KLHL1: variants seen among roughly 807,000 people sequenced by gnomAD.
KLHL1 encodes the protein kelch like family member 1, also known as kelch-like protein 1.
In KLHL1, 47 loss-of-function variants were observed where a neutral mutation model predicts 77.7. The ratio of observed to expected loss-of-function variants is 0.60; its 90% CI spans 0.48 to 0.77. The LOEUF (loss-of-function observed/expected upper bound fraction) is 0.77, where lower values mean the gene tolerates loss of function less well. Among genes scored for constraint, KLHL1 ranks in the 30% least tolerant of loss-of-function variants. The probability of loss-of-function intolerance (pLI) is 0.00; values close to 1 mark genes in which losing one functional copy is unlikely to be tolerated. For missense variants in KLHL1, 925 were observed against 910.8 expected (o/e 1.02, Z -0.20); for synonymous variants, 360 against 325.2 (o/e 1.11, Z -1.15).
intron 7 of KLHL1, among the ~76,000 whole-genome samples, chr13:69,765,131 G>T (rs765513224): frequency 1.3e-5 from 2 of 150,530 alleles, no homozygotes; most frequent in Non-Finnish European, 3.0e-5. Context: ...ATTATTTTTC[G>T]AGTAGAGATG....
intron 5 of KLHL1, among the ~76,000 whole-genome samples, chr13:69,853,453 C>T (rs1879773147): frequency 1.3e-5 from 2 of 151,970 alleles, no homozygotes; most frequent in African/African-American, 4.8e-5. Context: ...GTCGATTAAG[C>T]CTCTTTCCTT....
At chr13:70,087,489 C>T (rs946553562) in intron 1 of KLHL1, among the ~76,000 whole-genome samples, 1 of 151,290 alleles carries the variant, frequency 6.6e-6, no homozygotes, top group East Asian at 2.0e-4. Flanking sequence ...CAAGGAGATT[C>T]TCCAACTTTC....
intron 7 of KLHL1, among the ~76,000 whole-genome samples, chr13:69,766,492 A>G (rs960577330): frequency 1.3e-5 from 2 of 150,440 alleles, no homozygotes; most frequent in Admixed American, 6.6e-5. Context: ...ACATATATAT[A>G]TATATTTAGA....
chr13:70,073,856 G>A (rs554147162), intron 1 of KLHL1, among the ~76,000 whole-genome samples: 19 of 150,766 alleles, frequency 1.3e-4, no homozygotes, highest in Non-Finnish European at 1.9e-4. Context: ...ATGGAGTCTC[G>A]CTCTTGTTGC....
chr13:69,982,813 G>C (rs1282695975), intron 1 of KLHL1, among the ~76,000 whole-genome samples: 1 of 151,960 alleles, frequency 6.6e-6, no homozygotes, highest in African/African-American at 2.4e-5. Context: ...TGATGATAAA[G>C]GGGTCAATTC....
At chr13:70,102,180 C>T (rs1253474345) in intron 1 of KLHL1, among the ~76,000 whole-genome samples, 6 of 152,060 alleles carry the variant, frequency 3.9e-5, no homozygotes, top group Admixed American at 6.6e-5. Context: ...GGTACATGTC[C>T]CACTAATCTC....
chr13:69,891,983 T>C (rs1037500962), intron 4 of KLHL1, among the ~76,000 whole-genome samples: 8 of 152,098 alleles, frequency 5.3e-5, no homozygotes, highest in African/African-American at 1.9e-4. Flanking sequence ...ATTTCTCAAA[T>C]ATGTTAATTA....
chr13:70,104,659 A>AGAAT (rs1166248291), intron 1 of KLHL1, among the ~76,000 whole-genome samples: 2 of 152,162 alleles, frequency 1.3e-5, no homozygotes, highest in Non-Finnish European at 2.9e-5. Flanking sequence ...TACAATGCTC[A>AGAAT]TTATTAAATA....
At chr13:70,037,105 T>C (rs1383518122) in intron 1 of KLHL1, among the ~76,000 whole-genome samples, 1 of 152,058 alleles carries the variant, frequency 6.6e-6, no homozygotes, top group Non-Finnish European at 1.5e-5. Flanking sequence ...TTGATTGTTG[T>C]AATGCCAATT....
At chr13:69,787,539 C>G (rs1876621174) in intron 7 of KLHL1, among the ~76,000 whole-genome samples, 1 of 152,262 alleles carries the variant, frequency 6.6e-6, no homozygotes, top group East Asian at 1.9e-4. Context: ...ACATGTTAGA[C>G]CTAAAACCAT....
chr13:69,979,436 CTT>C lies in KLHL1; in HGVS notation c.498-3636_498-3635del, dbSNP rs35688050. On this transcript the variant is annotated intron_variant, in intron 1 of 10. Coordinates refer to ENST00000377844, the MANE Select transcript of KLHL1 (RefSeq NM_020866.3). ...TAATATGAATTTTCACAACAGAACA[CTT>C]ATAATTTTTAAGATAATATTTATTA... Among the ~76,000 whole-genome samples the C allele has an allele frequency of 6.9e-3, 1,049 of 152,100 alleles. 5 individuals are homozygous for C. The highest frequency in any genetic ancestry group is 0.013 in the Non-Finnish European group (871 of 67,982).
chr13:69,953,888 T>C (rs1204626636), intron 3 of KLHL1, among the ~76,000 whole-genome samples: 1 of 151,298 alleles, frequency 6.6e-6, no homozygotes, highest in East Asian at 1.9e-4. Context: ...AATCACACAT[T>C]ATGAATAATC....
At chr13:69,706,686 G>A (rs1875642064) in intron 10 of KLHL1, among the ~76,000 whole-genome samples, 1 of 151,918 alleles carries the variant, frequency 6.6e-6, no homozygotes, top group Non-Finnish European at 1.5e-5. Context: ...CTTACTTTTA[G>A]ATTTCTGGTA....
chr13:69,863,940 A>G (rs1190128833), intron 5 of KLHL1, among the ~76,000 whole-genome samples: 2 of 152,026 alleles, frequency 1.3e-5, no homozygotes, highest in Non-Finnish European at 2.9e-5. Flanking sequence ...ATAATAAGCA[A>G]TTAGTTAGTT....
At chr13:70,091,290 C>T (rs1887667515) in intron 1 of KLHL1, among the ~76,000 whole-genome samples, 1 of 152,006 alleles carries the variant, frequency 6.6e-6, no homozygotes. Flanking sequence ...TTCTTTTTAT[C>T]TTTCTTCCCT....
intron 4 of KLHL1, among the ~76,000 whole-genome samples, chr13:69,927,716 T>C (rs1882863023): frequency 6.6e-6 from 1 of 152,146 alleles, no homozygotes. Flanking sequence ...ATTTTACACA[T>C]ACTAGGATGG....
intron 7 of KLHL1, among the ~76,000 whole-genome samples, chr13:69,742,192 G>C (rs1874016758): frequency 6.6e-6 from 1 of 152,096 alleles, no homozygotes; most frequent in Non-Finnish European, 1.5e-5. Context: ...TTATAGAAAA[G>C]AACTATAATT....
chr13:69,951,183 A>G (rs1048726116), intron 3 of KLHL1, among the ~76,000 whole-genome samples: 1 of 151,542 alleles, frequency 6.6e-6, no homozygotes, highest in Non-Finnish European at 1.5e-5. Flanking sequence ...TGAAAATTAC[A>G]CCATAATTGT....
chr13:70,027,638 G>A (rs900984721), intron 1 of KLHL1, among the ~76,000 whole-genome samples: 4 of 114,176 alleles, frequency 3.5e-5, no homozygotes, highest in Admixed American at 1.0e-4. Flanking sequence ...TTTTTGAAGC[G>A]CAAAATGTAA....
Sources: allele counts gnomAD v4.1 joint callset (sites outside exome capture counted in the v4.1 genomes callset), GRCh38; gene constraint gnomAD v4.1.1; transcripts MANE v1.5; gene names NCBI Gene and HGNC (gene_info 2026-07-23, HGNC 2026-07-21).